The following FBXW10 variants were observed in gnomAD, a reference collection of about 807,000 sequenced individuals.
FBXW10 encodes the protein F-box and WD repeat domain containing 10.
FBXW10 carries 68 observed loss-of-function variants against 113.1 expected under a neutral mutation model. The ratio of observed to expected loss-of-function variants is 0.60; its 90% CI spans 0.49 to 0.74. FBXW10 has a LOEUF of 0.74. FBXW10 is among the 30% of genes least tolerant of loss of function. The probability of loss-of-function intolerance (pLI) is 0.00; values close to 1 mark genes in which losing one functional copy is unlikely to be tolerated. For missense variants in FBXW10, 753 were observed against 1,284.5 expected (o/e 0.59, Z 6.32); for synonymous variants, 289 against 481.6 (o/e 0.60, Z 5.24).
intron 6 of FBXW10, among the ~76,000 whole-genome samples, chr17:18,757,008 C>A (rs9783820): frequency 0.5 from 75,017 of 150,864 alleles, 19,120 homozygotes; most frequent in Non-Finnish European, 0.54. Context: ...TAGGTATGAC[C>A]AACGGAATAA....
At chr17:18,768,803 C>T in intron 10 of FBXW10, 127 bp downstream of exon 10, 1 of 972,860 alleles carries the variant, frequency 1.0e-6, no homozygotes, top group Non-Finnish European at 1.5e-6. Flanking sequence ...CTCACCCTCT[C>T]TGCTTCCCTC....
In FBXW10 at chr17:18,768,634, T is replaced by C. The variant is rs777941855; in HGVS notation, c.1805T>C (p.Val602Ala). 3 of 1,613,842 alleles carry C rather than the reference T, an allele frequency of 1.9e-6. No homozygotes were observed. Among genetic ancestry groups the C allele is most frequent in the African/African-American group, 2.7e-5 (2 of 74,886 alleles). ...TDGLVMAWSM[V>A]GKYERCLMAF... ...GGCCTGGTCATGGCCTGGAGCATGG[T>C]GGGGAAGTACGAGCGCTGCCTGATG... is the stretch of plus-strand genomic sequence containing the variant. Residue 602 changes from valine (V) to alanine (A), a missense_variant, in exon 10 of 14, where the codon GTG (valine) becomes GCG (alanine). Transcript: ENST00000395665.
chr17:18,771,984 G>C (rs1179736249), intron 11 of FBXW10, among the ~76,000 whole-genome samples: 2 of 152,124 alleles, frequency 1.3e-5, no homozygotes, highest in African/African-American at 4.8e-5. Flanking sequence ...GTGCGTACCT[G>C]TAATCCCAGC....
intron 9 of FBXW10, 43 bp from the exon 10 acceptor site, chr17:18,768,491 G>T: frequency 6.2e-7 from 1 of 1,606,316 alleles, no homozygotes. Context: ...GTTCTTGGAG[G>T]AGTCACAGTC....
At chr17:18,753,041 T>G (rs570460208) in intron 5 of FBXW10, among the ~76,000 whole-genome samples, 8 of 152,244 alleles carry the variant, frequency 5.3e-5, no homozygotes, top group Non-Finnish European at 1.2e-4. Context: ...AGAATTGTAC[T>G]GTCATCTTGG....
chr17:18,765,623 C>G (rs1435625401), intron 8 of FBXW10, among the ~76,000 whole-genome samples: 2 of 152,220 alleles, frequency 1.3e-5, no homozygotes, highest in Non-Finnish European at 2.9e-5. Context: ...TATATTTTGT[C>G]TCAGGCCACT....
At chr17:18,766,377 G>C (rs1240800539) in intron 8 of FBXW10, among the ~76,000 whole-genome samples, 1 of 151,062 alleles carries the variant, frequency 6.6e-6, no homozygotes, top group East Asian at 1.9e-4. Context: ...AAATCTACTC[G>C]ATAGCAAGCA....
At chr17:18,759,538 C>T (rs1409863303) in intron 7 of FBXW10, among the ~76,000 whole-genome samples, 1 of 151,996 alleles carries the variant, frequency 6.6e-6, no homozygotes, top group African/African-American at 2.4e-5. Flanking sequence ...CACTGAGATA[C>T]TGTATTAAAT....
chr17:18,754,226 C>A (rs1237541957), intron 5 of FBXW10, among the ~76,000 whole-genome samples: 2 of 151,810 alleles, frequency 1.3e-5, no homozygotes, highest in East Asian at 3.9e-4. Context: ...CCCAATGACT[C>A]CACCATGTGG....
chr17:18,766,267 C>A (rs556798274), intron 8 of FBXW10, among the ~76,000 whole-genome samples: 102 of 151,140 alleles, frequency 6.7e-4, no homozygotes, highest in African/African-American at 2.3e-3. Flanking sequence ...AGGAAGACAA[C>A]ATCTGGGAAA....
intron 6 of FBXW10, among the ~76,000 whole-genome samples, chr17:18,757,427 C>T (rs1597593531): frequency 1.3e-5 from 2 of 152,350 alleles, no homozygotes; most frequent in South Asian, 2.1e-4. Flanking sequence ...TTTAGAGTGA[C>T]TATACATCCC....
chr17:18,778,522 G>C lies in FBXW10; in HGVS notation c.2383G>C (p.Gly795Arg), dbSNP rs762357073. The C allele has an allele frequency of 4.3e-6, 7 of 1,613,550 alleles. No homozygotes were observed. The highest frequency in any genetic ancestry group is 2.2e-5 in the South Asian group (2 of 91,008). The change falls in exon 14 of 14, where the codon GGA (glycine) becomes CGA (arginine). Residue 795 changes from glycine to arginine, a missense_variant. Coordinates refer to ENST00000395665, the MANE Select transcript of FBXW10 (RefSeq NM_001267585.2). Reference sequence around the variant, plus strand: ...AAAACAAGGACAATTGGAAACTCCTGGAAAACTGCCCAGTCACCCAAAGAA... The same window carrying C: ...AAAACAAGGACAATTGGAAACTCCTCGAAAACTGCCCAGTCACCCAAAGAA... ...AQKQGQLETPGKLPSHPKKKS... is the reference protein window; with the variant it reads ...AQKQGQLETPRKLPSHPKKKS...
chr17:18,776,975 C>A (rs1160091674), intron 13 of FBXW10, among the ~76,000 whole-genome samples: 1 of 151,172 alleles, frequency 6.6e-6, no homozygotes, highest in Non-Finnish European at 1.5e-5. Flanking sequence ...GAGCTCATCA[C>A]AATTCCTTTT....
intron 10 of FBXW10, 93 bp from the exon 11 acceptor site, chr17:18,769,834 T>C (rs9674947): frequency 0.53 from 728,698 of 1,369,998 alleles, 199,787 homozygotes; most frequent in Non-Finnish European, 0.57. Context: ...TGGCCAGTGC[T>C]GCTCAATCAC....
intron 6 of FBXW10, among the ~76,000 whole-genome samples, chr17:18,756,527 T>C (rs1166560180): frequency 6.6e-6 from 1 of 152,032 alleles, no homozygotes; most frequent in Non-Finnish European, 1.5e-5. Context: ...AAAGTTTTCC[T>C]GTAGTCTATC....
At chr17:18,752,175 G>A (rs1053949224) in intron 5 of FBXW10, among the ~76,000 whole-genome samples, 24 of 152,112 alleles carry the variant, frequency 1.6e-4, no homozygotes, top group African/African-American at 5.3e-4. Context: ...AGGAGGAGAC[G>A]GGTCGTGTGG....
chr17:18,769,874 C>T, intron 10 of FBXW10, 53 bp from the exon 11 acceptor site: 1 of 1,590,642 alleles, frequency 6.3e-7, no homozygotes, highest in Non-Finnish European at 8.6e-7. Flanking sequence ...TACAAACAAA[C>T]CCAGGCATTT....
At chr17:18,766,440 G>C (rs1381386885) in intron 8 of FBXW10, among the ~76,000 whole-genome samples, 1 of 152,124 alleles carries the variant, frequency 6.6e-6, no homozygotes, top group East Asian at 1.9e-4. Flanking sequence ...TAGCACTTGG[G>C]CCTCAAGGCT....
chr17:18,772,545 G>A lies in FBXW10; in HGVS notation c.2140G>A (p.Glu714Lys). ...EEEKEENSLM[E>K]ILSKCNIQVH... ...GGAAAAAGAAGAAAATAGTCTCATGGAAATTCTCTCTAAGTGTAATATTCA... is the reference window on the plus strand; with the variant it reads ...GGAAAAAGAAGAAAATAGTCTCATGAAAATTCTCTCTAAGTGTAATATTCA... Residue 714 changes from glutamate to lysine, a missense_variant, in exon 12 of 14, where the codon GAA becomes AAA. By Grantham distance (56) the Glu-to-Lys change is moderately conservative. Coordinates refer to ENST00000395665, the MANE Select transcript of FBXW10 (RefSeq NM_001267585.2). 1 of 1,614,116 alleles carries A rather than the reference G, an allele frequency of 6.2e-7. No homozygotes were observed. The highest frequency in any genetic ancestry group is 1.1e-5 in the South Asian group (1 of 91,078).
Sources: gnomAD v4.1 joint callset for allele counts (sites outside exome capture counted in the v4.1 genomes callset) on GRCh38, gnomAD v4.1.1 for gene constraint, MANE v1.5 for transcripts, NCBI Gene and HGNC (gene_info 2026-07-23, HGNC 2026-07-21) for gene names.